ESYT2: variants seen among roughly 807,000 people sequenced by gnomAD.
ESYT2 encodes the protein extended synaptotagmin-2.
In ESYT2, 54 loss-of-function variants were observed where a neutral mutation model predicts 107.2. That is an observed-to-expected ratio of 0.50 (90% CI 0.40 to 0.63). The LOEUF is 0.63. Among genes scored for constraint, ESYT2 ranks in the 30% least tolerant of loss-of-function variants. The pLI, the probability that ESYT2 is intolerant of heterozygous loss-of-function variation, is 0.00. For synonymous variants in ESYT2, 491 were observed against 434.1 expected (o/e 1.13, Z -1.63); for missense variants, 1,020 against 1,094.5 (o/e 0.93, Z 0.96).
At chr7:158,735,647 C>A in intron 20 of ESYT2, 39 bp from the exon 21 acceptor site, 1 of 1,544,338 alleles carries the variant, frequency 6.5e-7, no homozygotes, top group Non-Finnish European at 8.9e-7. Flanking sequence ...ATCCATCATT[C>A]TGCTGTATTT....
At chr7:158,759,402 A>G in intron 13 of ESYT2, 84 bp downstream of exon 13, 1 of 1,028,340 alleles carries the variant, frequency 9.7e-7, no homozygotes, top group Non-Finnish European at 1.4e-6. Context: ...CAGGTGATGC[A>G]GAGTGCTGCA....
At chr7:158,769,949 G>C (rs889826916) in intron 7 of ESYT2, among the ~76,000 whole-genome samples, 1 of 151,798 alleles carries the variant, frequency 6.6e-6, no homozygotes, top group Non-Finnish European at 1.5e-5. Flanking sequence ...TTTTGAGACA[G>C]AGTCTCATTC....
chr7:158,775,645 T>G (rs2129472659), intron 6 of ESYT2, among the ~76,000 whole-genome samples: 1 of 152,332 alleles, frequency 6.6e-6, no homozygotes, highest in South Asian at 2.1e-4. Context: ...AGGCTCCACT[T>G]CTAACTACGG....
At chr7:158,821,858 A>G (rs1273696082) in intron 1 of ESYT2, among the ~76,000 whole-genome samples, 5 of 152,216 alleles carry the variant, frequency 3.3e-5, no homozygotes, top group Admixed American at 2.0e-4. Context: ...CACTGAACGT[A>G]AGGCCATGCC....
chr7:158,753,086 AT>A (rs1316037163), intron 13 of ESYT2, among the ~76,000 whole-genome samples: 5 of 152,226 alleles, frequency 3.3e-5, no homozygotes, highest in Non-Finnish European at 5.9e-5. Context: ...TATGATTAAT[AT>A]TCTTTTACTA....
intron 4 of ESYT2, among the ~76,000 whole-genome samples, chr7:158,789,587 C>G (rs191907012): frequency 7.6e-4 from 115 of 152,272 alleles, no homozygotes; most frequent in African/African-American, 2.6e-3. Flanking sequence ...AAATCCTAAC[C>G]TCAAGGGATC....
intron 6 of ESYT2, among the ~76,000 whole-genome samples, chr7:158,780,629 AAC>A: frequency 6.6e-6 from 1 of 152,396 alleles, no homozygotes; most frequent in East Asian, 1.9e-4. Flanking sequence ...CTTGTCAGGC[AAC>A]AGAGGGCATG....
intron 8 of ESYT2, among the ~76,000 whole-genome samples, chr7:158,765,735 C>T (rs1190107862): frequency 6.6e-6 from 1 of 151,632 alleles, no homozygotes; most frequent in Admixed American, 6.6e-5. Context: ...GACCCTGTCT[C>T]AAAATAAATA....
chr7:158,802,492 G>A (rs1363517766), intron 1 of ESYT2, among the ~76,000 whole-genome samples: 2 of 152,138 alleles, frequency 1.3e-5, no homozygotes, highest in South Asian at 2.1e-4. Flanking sequence ...TGTTGGCCAC[G>A]CTGGTCTCAA....
chr7:158,793,794 CAT>C (rs1352023573), intron 3 of ESYT2, 68 bp from the exon 4 acceptor site: 2 of 1,208,096 alleles, frequency 1.7e-6, no homozygotes, highest in African/African-American at 3.0e-5. Flanking sequence ...TGTAACATAC[CAT>C]AGAGACAAAC....
At position 158,732,102 on chromosome 7, in the gene ESYT2, T is replaced by TA. The variant is rs1476009820; in HGVS notation, c.*2104dup. On this transcript the variant is annotated 3_prime_UTR_variant, in exon 23 of 23. Coordinates refer to ENST00000275418, the MANE Select transcript of ESYT2 (RefSeq NM_001367773.1). ...TGTCTACTCTGCCTAAGTGCTTAAA[T>TA]AAAGCATTCCATTAAGCAAAATACA... 6.6e-6 allele frequency: 1 copy of TA among 152,220 alleles called. No homozygotes were observed. The highest frequency in any genetic ancestry group is 1.5e-5 in the Non-Finnish European group (1 of 68,038). The allele number at this position is 152,220 out of a possible 1,614,324, so 9.4% of individuals were successfully genotyped here.
At chr7:158,780,832 G>A (rs1299983157) in intron 6 of ESYT2, among the ~76,000 whole-genome samples, 1 of 152,216 alleles carries the variant, frequency 6.6e-6, no homozygotes, top group African/African-American at 2.4e-5. Context: ...GCACTGAAAG[G>A]CCTGTCCCTG....
intron 1 of ESYT2, among the ~76,000 whole-genome samples, chr7:158,800,184 G>A (rs1839594805): frequency 6.6e-6 from 1 of 151,780 alleles, no homozygotes; most frequent in Non-Finnish European, 1.5e-5. Context: ...GAGTAGCTGG[G>A]ATTGCAGGCA....
intron 21 of ESYT2, 101 bp downstream of exon 21, chr7:158,735,402 G>T: frequency 1.1e-6 from 1 of 889,602 alleles, no homozygotes. Flanking sequence ...TCGTAAGTTC[G>T]CCCCTTCCAC....
At chr7:158,763,467 G>A (rs561520644) in intron 9 of ESYT2, among the ~76,000 whole-genome samples, 1 of 152,034 alleles carries the variant, frequency 6.6e-6, no homozygotes, top group South Asian at 2.1e-4. Flanking sequence ...GCTAATTTCT[G>A]TATTTTTAGT....
At chr7:158,794,767 A>C (rs185356971) in intron 3 of ESYT2, among the ~76,000 whole-genome samples, 1 of 152,222 alleles carries the variant, frequency 6.6e-6, no homozygotes, top group East Asian at 1.9e-4. Flanking sequence ...ACAGAGTAAG[A>C]CCCTGTCTCA....
At chr7:158,740,312 G>A (rs532526226) in intron 18 of ESYT2, among the ~76,000 whole-genome samples, 3 of 152,336 alleles carry the variant, frequency 2.0e-5, no homozygotes, top group East Asian at 3.9e-4. Context: ...AGGCTGGCCA[G>A]CCTGCAGGCT....
chr7:158,822,197 AGAC>A (rs1210923206), intron 1 of ESYT2, among the ~76,000 whole-genome samples: 1 of 152,242 alleles, frequency 6.6e-6, no homozygotes, highest in African/African-American at 2.4e-5. Context: ...AAAATGCAAG[AGAC>A]GACAAAAGAC....
intron 10 of ESYT2, 32 bp from the exon 11 acceptor site, chr7:158,761,576 C>T (rs1351750623): frequency 6.4e-7 from 1 of 1,565,928 alleles, no homozygotes; most frequent in East Asian, 2.2e-5. Context: ...AACTTTAGAA[C>T]ATAGAAACAC....
Sources: allele counts gnomAD v4.1 joint callset (sites outside exome capture counted in the v4.1 genomes callset), GRCh38; gene constraint gnomAD v4.1.1; transcripts MANE v1.5; gene names NCBI Gene and HGNC (gene_info 2026-07-23, HGNC 2026-07-21).